BICD1: variants seen among roughly 807,000 people sequenced by gnomAD.
BICD1 encodes BICD cargo adaptor 1, also known as protein bicaudal D homolog 1.
In BICD1, 35 loss-of-function variants were observed where a neutral mutation model predicts 92.5. The observed-to-expected ratio is 0.38, with a 90% CI of 0.29 to 0.50. BICD1 has a LOEUF of 0.50. Among genes scored for constraint, BICD1 ranks in the 20% least tolerant of loss-of-function variants. BICD1 has a pLI of 0.93. For synonymous variants in BICD1, 429 were observed against 465.1 expected (o/e 0.92, Z 1.00); for missense variants, 950 against 1,189.8 (o/e 0.80, Z 2.97).
At position 32,108,039 on chromosome 12, in the gene BICD1, T is replaced by G. The variant is rs188873816; in HGVS notation, c.213+495T>G. The G allele has an allele frequency of 2.6e-5, 8 of 308,858 alleles. No individual in the cohort carries two copies. In the East Asian group the frequency reaches 4.4e-4, roughly 17 times the overall value. 19.1% of individuals were successfully genotyped at this position (308,858 alleles called of 1,614,324 possible). A position where few individuals can be genotyped will look rare whatever the true frequency, so the allele number is the denominator to read the frequency against. On this transcript the variant is annotated intron_variant, in intron 1 of 9. Coordinates refer to ENST00000652176, the MANE Select transcript of BICD1 (RefSeq NM_001714.4). ...GAGGGAACTCCTCACCAATCCCATT[T>G]GACAAAGGCTAGGCAATCTTCATTC...
At chr12:32,290,949 A>T (rs1947710396) in intron 2 of BICD1, among the ~76,000 whole-genome samples, 1 of 152,218 alleles carries the variant, frequency 6.6e-6, no homozygotes, top group South Asian at 2.1e-4. Flanking sequence ...TTTACACCAC[A>T]GTCAACAACC....
intron 1 of BICD1, among the ~76,000 whole-genome samples, chr12:32,167,859 C>T (rs1171631170): frequency 6.6e-6 from 1 of 152,188 alleles, no homozygotes; most frequent in Non-Finnish European, 1.5e-5. Flanking sequence ...GATTCTGGAG[C>T]CAGGCTTCCT....
Position 32,327,483 on chromosome 12 carries a change from T to G in BICD1, c.1028T>G (p.Leu343Arg). 6.2e-7 allele frequency: 1 copy of G among 1,602,660 alleles called. No individual in the cohort carries two copies. Among genetic ancestry groups the G allele is most frequent in the Non-Finnish European group, 8.5e-7 (1 of 1,172,898 alleles). ...LMQVEREKAI[L>R]LANLQESQTQ... is the part of the protein sequence containing the mutation. ...CAGGTAGAGCGGGAAAAGGCCATTC[T>G]TTTGGCCAACCTACAGGAGTCACAG... The change falls in exon 5 of 10, where the codon CTT becomes CGT. Residue 343 changes from leucine to arginine, a missense_variant. This residue lies in a region of BICD1 where 246 missense variants were observed against 258.4 expected (regional missense o/e 0.95). Coordinates refer to ENST00000652176, the MANE Select transcript of BICD1 (RefSeq NM_001714.4).
intron 1 of BICD1, among the ~76,000 whole-genome samples, chr12:32,171,236 A>G (rs1943926433): frequency 6.6e-6 from 1 of 152,222 alleles, no homozygotes; most frequent in African/African-American, 2.4e-5. Context: ...TGGGAGACTT[A>G]GTAACACATG....
At chr12:32,139,541 T>C (rs1942833657) in intron 1 of BICD1, among the ~76,000 whole-genome samples, 1 of 152,224 alleles carries the variant, frequency 6.6e-6, no homozygotes, top group African/African-American at 2.4e-5. Flanking sequence ...TACGCTAGCA[T>C]ACGGTGGGCA....
At chr12:32,147,834 G>A (rs149308146) in intron 1 of BICD1, among the ~76,000 whole-genome samples, 15 of 152,202 alleles carry the variant, frequency 9.9e-5, no homozygotes, top group Admixed American at 5.2e-4. Flanking sequence ...AAAAGTATTC[G>A]TATCTATATC....
At chr12:32,272,922 G>A (rs1168637217) in intron 2 of BICD1, among the ~76,000 whole-genome samples, 2 of 152,068 alleles carry the variant, frequency 1.3e-5, no homozygotes, top group East Asian at 3.8e-4. Context: ...AGAAAGAAAA[G>A]AAAAACCCAC....
At chr12:32,292,479 G>C (rs1266945994) in intron 2 of BICD1, among the ~76,000 whole-genome samples, 1 of 152,016 alleles carries the variant, frequency 6.6e-6, no homozygotes. Flanking sequence ...GTCTTTTTTG[G>C]GAGACAATTG....
chr12:32,303,209 T>C (rs1164490341), intron 3 of BICD1, among the ~76,000 whole-genome samples: 1 of 152,014 alleles, frequency 6.6e-6, no homozygotes, highest in Admixed American at 6.6e-5. Flanking sequence ...TTACAGGTGC[T>C]GAGATTACAG....
intron 9 of BICD1, among the ~76,000 whole-genome samples, chr12:32,368,699 A>C (rs1939620795): frequency 6.6e-6 from 1 of 152,192 alleles, no homozygotes; most frequent in South Asian, 2.1e-4. Flanking sequence ...CATCTAAAAA[A>C]AAATAAAAAA....
rs372956491 is a variant in BICD1, at chr12:32,326,080, CAAAAAAAA to C, written c.1006-1367_1006-1360del. 1.2e-4 allele frequency among the ~76,000 whole-genome samples: 8 copies of C among 66,498 alleles called. No homozygotes were observed. The Admixed American group carries it at 1.2e-3, about 10-fold the overall frequency. The allele number at this position is 66,498 out of a possible 152,430, so 43.6% of individuals were successfully genotyped here. A position where few individuals can be genotyped will look rare whatever the true frequency, so the allele number is the denominator to read the frequency against. On this transcript the variant is annotated intron_variant, in intron 4 of 9. Transcript: ENST00000652176. ...CCTGGGAGAGAGTGAGACTCCATCT[CAAAAAAAA>C]AAAAAAAAAAAAAGAAAGTTTGAAT...
chr12:32,361,636 T>G (rs1342910376), intron 8 of BICD1, among the ~76,000 whole-genome samples: 2 of 151,450 alleles, frequency 1.3e-5, no homozygotes, highest in African/African-American at 4.9e-5. Flanking sequence ...AGGACAGAGA[T>G]AGTTTTCATG....
intron 2 of BICD1, among the ~76,000 whole-genome samples, chr12:32,250,045 T>C (rs140998713): frequency 1.3e-5 from 2 of 152,062 alleles, no homozygotes; most frequent in Non-Finnish European, 2.9e-5. Context: ...AAGCATATTA[T>C]TATGTTAATT....
At chr12:32,122,290 C>T (rs1334839180) in intron 1 of BICD1, among the ~76,000 whole-genome samples, 3 of 152,000 alleles carry the variant, frequency 2.0e-5, no homozygotes, top group Non-Finnish European at 2.9e-5. Context: ...AGATCGAGAC[C>T]ATCCTGACTA....
chr12:32,293,624 C>T (rs1285202169), intron 2 of BICD1, among the ~76,000 whole-genome samples: 2 of 152,106 alleles, frequency 1.3e-5, no homozygotes, highest in African/African-American at 4.8e-5. Flanking sequence ...GCCACAGCGC[C>T]CGGCCTTTCT....
Position 32,139,000 on chromosome 12 carries a change from G to A in BICD1, c.213+31456G>A, listed in dbSNP as rs148409945. The stretch of plus-strand genomic sequence containing the variant: ...TAATTTATATCCTTCAAAGTGACCA[G>A]GAAGGTAGAGTTTGCATGCAGAAAA... On this transcript the variant is annotated intron_variant, in intron 1 of 9. Coordinates refer to ENST00000652176, the MANE Select transcript of BICD1 (RefSeq NM_001714.4). Among the ~76,000 whole-genome samples the A allele has an allele frequency of 7.0e-4, 106 of 152,284 alleles. 2 individuals are homozygous for A. In the East Asian group the frequency reaches 0.018, roughly 26 times the overall value.
chr12:32,119,575 A>G (rs778169635), intron 1 of BICD1, among the ~76,000 whole-genome samples: 4 of 152,178 alleles, frequency 2.6e-5, no homozygotes, highest in Non-Finnish European at 4.4e-5. Flanking sequence ...AGAAGTGTTT[A>G]GTAAGAAAAT....
At chr12:32,127,493 G>T (rs1381644032) in intron 1 of BICD1, among the ~76,000 whole-genome samples, 2 of 152,102 alleles carry the variant, frequency 1.3e-5, no homozygotes, top group African/African-American at 2.4e-5. Flanking sequence ...ATATGCATGG[G>T]TCTATTTTTG....
intron 1 of BICD1, among the ~76,000 whole-genome samples, chr12:32,121,525 G>A (rs964270876): frequency 1.1e-4 from 16 of 151,678 alleles, no homozygotes; most frequent in Non-Finnish European, 2.1e-4. Context: ...CCTGGGAGGC[G>A]GAGGTTGCAG....
Sources: gnomAD v4.1 joint callset for allele counts (sites outside exome capture counted in the v4.1 genomes callset) on GRCh38, gnomAD v4.1.1 for gene constraint, gnomAD v4.1.1 regional missense constraint, MANE v1.5 for transcripts, NCBI Gene and HGNC (gene_info 2026-07-23, HGNC 2026-07-21) for gene names.